The following GET4 variants were observed in gnomAD, a reference collection of about 807,000 sequenced individuals.
GET4 encodes Golgi to ER traffic protein 4 homolog.
Under a neutral mutation model 40.0 loss-of-function variants are expected in GET4, and 20 were observed. That is an observed-to-expected ratio of 0.50 (90% CI 0.35 to 0.73). GET4 has a LOEUF of 0.73. GET4 is among the 30% of genes least tolerant of loss of function. The pLI, the probability that GET4 is intolerant of heterozygous loss-of-function variation, is 0.01. For synonymous variants in GET4, 280 were observed against 194.6 expected, an observed-to-expected ratio of 1.44 and a Z score of -3.65; for missense variants, 557 against 454.0, an observed-to-expected ratio of 1.23 and a Z score of -2.06.
At chr7:891,684 GGGATTTGATGTA>G (rs1382553532) in intron 5 of GET4, among the ~76,000 whole-genome samples, 2 of 152,272 alleles carry the variant, frequency 1.3e-5, no homozygotes, top group African/African-American at 4.8e-5. Flanking sequence ...GCGGGCGTTG[GGGATTTGATGTA>G]GGATTTGGGG....
chr7:884,403 C>A (rs1296444361), intron 1 of GET4: 6 of 1,277,474 alleles, frequency 4.7e-6, no homozygotes, highest in African/African-American at 1.5e-5. Flanking sequence ...GGGTGGGTCT[C>A]CCTCCAGAAC....
intron 1 of GET4, chr7:878,306 C>T (rs191363425): frequency 2.1e-6 from 1 of 471,148 alleles, no homozygotes; most frequent in East Asian, 6.9e-5. Context: ...CATACAGTTA[C>T]TGCAGAATGT....
intron 1 of GET4, among the ~76,000 whole-genome samples, chr7:877,619 C>T (rs1280833937): frequency 7.3e-6 from 1 of 136,088 alleles, no homozygotes; most frequent in Admixed American, 7.3e-5. Context: ...TCCCCCACCT[C>T]TCCCGTAGTC....
chr7:895,363 T>C lies in GET4; in HGVS notation c.925T>C (p.Ser309Pro), dbSNP rs1482322556. 6.3e-7 allele frequency: 1 copy of C among 1,597,886 alleles called. No individual in the cohort carries two copies. Among genetic ancestry groups the C allele is most frequent in the South Asian group, 1.1e-5 (1 of 90,204 alleles). Residue 309 changes from serine to proline, a missense_variant, in exon 9 of 9, where the codon TCA becomes CCA. Transcript: ENST00000265857. ...GNLLTSLMGS[S>P]EQEDGEESPS... ...CCTTCTGACCAGCCTCATGGGCTCC[T>C]CAGAGCAGGAGGATGGGGAGGAGAG...
At chr7:878,785 T>C (rs1844022031) in intron 1 of GET4, among the ~76,000 whole-genome samples, 1 of 152,182 alleles carries the variant, frequency 6.6e-6, no homozygotes, top group Admixed American at 6.5e-5. Context: ...TTCACCATGT[T>C]GGCCAGGCTG....
chr7:891,621 A>C (rs1432970866), intron 5 of GET4, among the ~76,000 whole-genome samples: 2 of 152,214 alleles, frequency 1.3e-5, no homozygotes, highest in African/African-American at 4.8e-5. Context: ...TTCTCACGAA[A>C]GCCTTACTTG....
chr7:882,196 G>C (rs1009365822), intron 1 of GET4: 1 of 152,238 alleles, frequency 6.6e-6, no homozygotes, highest in Non-Finnish European at 1.5e-5. Context: ...CCCAGTAGTG[G>C]GGTTGCTGGG....
chr7:878,461 A>G (rs1844014300), intron 1 of GET4: 2 of 444,284 alleles, frequency 4.5e-6, no homozygotes, highest in Non-Finnish European at 9.4e-6. Flanking sequence ...TCCATGGGGT[A>G]CCTTCTAAAC....
intron 6 of GET4, among the ~76,000 whole-genome samples, chr7:893,535 G>T (rs115426350): frequency 0.023 from 3,170 of 140,568 alleles, 111 homozygotes; most frequent in African/African-American, 0.084. Context: ...GGGTGTAGGC[G>T]TGGTGGTGTG....
At chr7:878,366 T>C in intron 1 of GET4, 1 of 471,112 alleles carries the variant, frequency 2.1e-6, no homozygotes, top group South Asian at 1.5e-5. Flanking sequence ...TCAGATTATC[T>C]CTTATGGTTC....
intron 5 of GET4, among the ~76,000 whole-genome samples, chr7:891,765 C>T (rs563429193): frequency 3.9e-5 from 6 of 152,390 alleles, no homozygotes; most frequent in East Asian, 1.9e-4. Context: ...AGCTGGCGTC[C>T]GTGACTTAAG....
intron 1 of GET4, chr7:878,435 A>G (rs1844013756): frequency 6.5e-6 from 3 of 464,774 alleles, no homozygotes; most frequent in Admixed American, 4.7e-5. Flanking sequence ...AGATCATTTC[A>G]GAGGATTTAG....
intron 8 of GET4, among the ~76,000 whole-genome samples, chr7:895,118 T>C (rs370312268): frequency 7.2e-5 from 11 of 152,040 alleles, no homozygotes; most frequent in South Asian, 4.2e-4. Flanking sequence ...GAGTCCCCCG[T>C]GGCTGCTCCA....
rs190804188 is a variant in GET4, at chr7:884,015, C to T, written c.156-2041C>T. On this transcript the variant is annotated intron_variant, in intron 1 of 8. Coordinates refer to ENST00000265857, the MANE Select transcript of GET4 (RefSeq NM_015949.3). Reference sequence around the variant, plus strand: ...GCGCAGTCCAAACCAGGCCGGGGGCCGTGACCATCGGCAGTGCCCCCCAGA... The same window carrying T: ...GCGCAGTCCAAACCAGGCCGGGGGCTGTGACCATCGGCAGTGCCCCCCAGA... The T allele has an allele frequency of 6.9e-3, 7,867 of 1,144,942 alleles. 75 individuals carry two copies. Among genetic ancestry groups the T allele is most frequent in the South Asian group, 0.025 (1,374 of 54,290 alleles). 70.9% of individuals were successfully genotyped at this position (1,144,942 alleles called of 1,614,324 possible).
intron 2 of GET4, 23 bp from the exon 3 acceptor site, chr7:886,545 CT>C: frequency 6.4e-7 from 1 of 1,571,930 alleles, no homozygotes; most frequent in Middle Eastern, 1.7e-4. Context: ...GTTCTTGATT[CT>C]TGTGTGTTGC....
chr7:883,743 A>T (rs935280228), intron 1 of GET4: 1 of 986,366 alleles, frequency 1.0e-6, no homozygotes. Context: ...TTGAGAGGGT[A>T]CCTGTCCTGG....
intron 6 of GET4, among the ~76,000 whole-genome samples, chr7:892,667 A>T: frequency 7.7e-6 from 1 of 129,644 alleles, no homozygotes; most frequent in Admixed American, 7.8e-5. Flanking sequence ...GGCGTGGGGG[A>T]GTGTAGGTGT....
chr7:887,831 T>C (rs11763401), intron 4 of GET4, among the ~76,000 whole-genome samples: 7,785 of 152,282 alleles, frequency 0.051, 292 homozygotes, highest in Middle Eastern at 0.099. Flanking sequence ...GAACATTCTT[T>C]CCAGCGCTGG....
At chr7:895,260 T>G in intron 8 of GET4, 74 bp from the exon 9 acceptor site, 2 of 715,924 alleles carry the variant, frequency 2.8e-6, no homozygotes, top group Non-Finnish European at 4.9e-6. Context: ...TTGTGAGACG[T>G]TTGTGGGAAG....
Sources: gnomAD v4.1 joint callset for allele counts (sites outside exome capture counted in the v4.1 genomes callset) on GRCh38, gnomAD v4.1.1 for gene constraint, MANE v1.5 for transcripts, NCBI Gene and HGNC (gene_info 2026-07-23, HGNC 2026-07-21) for gene names.